LRCH1: variants seen among roughly 807,000 people sequenced by gnomAD.
LRCH1 encodes the protein leucine rich repeats and calponin homology domain containing 1, also known as leucine-rich repeat and calponin homology domain-containing protein 1.
In LRCH1, 23 loss-of-function variants were observed where a neutral mutation model predicts 94.9. The observed-to-expected ratio is 0.24, with a 90% CI of 0.17 to 0.34. The LOEUF is 0.34. LRCH1 is among the 10% of genes least tolerant of loss of function. The pLI is 1.00. For synonymous variants in LRCH1, 364 were observed against 354.9 expected, an observed-to-expected ratio of 1.03 and a Z score of -0.29; for missense variants, 790 against 945.9, an observed-to-expected ratio of 0.84 and a Z score of 2.16.
intron 1 of LRCH1, among the ~76,000 whole-genome samples, chr13:46,630,754 A>G (rs960526215): frequency 2.6e-5 from 4 of 152,220 alleles, no homozygotes; most frequent in African/African-American, 9.6e-5. Flanking sequence ...ATGCAGTTAA[A>G]CTGATATCCA....
Position 46,650,214 on chromosome 13 carries a change from C to T in LRCH1, c.321C>T (p.Asn107=), listed in dbSNP as rs774900445. ...CTTTTCTTATAGACTTATCTAAAAACAGACTGGTTGAAGTTCCAATGGAAT... is the reference window on the plus strand; with the variant it reads ...CTTTTCTTATAGACTTATCTAAAAATAGACTGGTTGAAGTTCCAATGGAAT... ...SDTVQADLSK[N]RLVEVPMELC... The change falls in exon 2 of 20, where the codon AAC becomes AAT. Residue 107 remains asparagine (N), a synonymous_variant. Coordinates refer to ENST00000389797, the MANE Select transcript of LRCH1 (RefSeq NM_001164211.2). 3 of 1,610,294 alleles carry T rather than the reference C, an allele frequency of 1.9e-6. No homozygotes were observed. In the African/African-American group the frequency reaches 4.0e-5, roughly 22 times the overall value.
At chr13:46,603,475 A>G (rs2050653831) in intron 1 of LRCH1, among the ~76,000 whole-genome samples, 1 of 152,138 alleles carries the variant, frequency 6.6e-6, no homozygotes. Context: ...GAGGATTCCT[A>G]TGTGTCACTA....
chr13:46,697,648 C>T (rs1001100244), intron 9 of LRCH1, among the ~76,000 whole-genome samples: 1 of 152,188 alleles, frequency 6.6e-6, no homozygotes, highest in Non-Finnish European at 1.5e-5. Context: ...CAGAGTGTCA[C>T]CTTGTTCCAC....
intron 1 of LRCH1, among the ~76,000 whole-genome samples, chr13:46,629,293 GTAGCCCATTTCTGTTTTTTATTTT>G (rs2050990322): frequency 7.7e-6 from 1 of 130,134 alleles, no homozygotes; most frequent in Admixed American, 8.0e-5. Flanking sequence ...CTCAGGGTTT[GTAGCCCATTTCTGTTTTTTATTTT>G]TAAATCTCAC....
At chr13:46,719,272 C>T (rs1334587558) in intron 16 of LRCH1, among the ~76,000 whole-genome samples, 3 of 152,202 alleles carry the variant, frequency 2.0e-5, no homozygotes, top group Non-Finnish European at 4.4e-5. Context: ...ACAGACTGAG[C>T]TTTAAGTGAG....
intron 1 of LRCH1, among the ~76,000 whole-genome samples, chr13:46,581,122 G>A (rs2050360016): frequency 6.6e-6 from 1 of 152,186 alleles, no homozygotes; most frequent in Admixed American, 6.5e-5. Context: ...GTACCAGAAA[G>A]CAGGTTCATG....
intron 1 of LRCH1, among the ~76,000 whole-genome samples, chr13:46,560,050 A>G (rs182632186): frequency 1.3e-5 from 2 of 150,722 alleles, no homozygotes; most frequent in Admixed American, 6.7e-5. Context: ...GTATATGTAC[A>G]TAGACTTTTT....
At chr13:46,648,203 T>C (rs1047605451) in intron 1 of LRCH1, among the ~76,000 whole-genome samples, 6 of 152,162 alleles carry the variant, frequency 3.9e-5, no homozygotes, top group Non-Finnish European at 7.4e-5. Context: ...GTCTCTTGCC[T>C]GCACAGTTCA....
chr13:46,682,699 G>T (rs1870391060), intron 4 of LRCH1, among the ~76,000 whole-genome samples: 1 of 152,144 alleles, frequency 6.6e-6, no homozygotes, highest in Admixed American at 6.5e-5. Flanking sequence ...TGTCTCACTG[G>T]TGGTCTTGGT....
chr13:46,683,059 C>G (rs903879509), intron 4 of LRCH1, among the ~76,000 whole-genome samples: 3 of 152,134 alleles, frequency 2.0e-5, no homozygotes, highest in Non-Finnish European at 4.4e-5. Flanking sequence ...TTTAAAGTCT[C>G]TAGACATAGC....
downstream of LRCH1, among the ~76,000 whole-genome samples, chr13:46,749,846 C>T (rs1874053711): frequency 6.6e-6 from 1 of 152,174 alleles, no homozygotes; most frequent in Non-Finnish European, 1.5e-5. Context: ...AGGTTCTGCA[C>T]ACAAGGAGGG....
chr13:46,651,394 T>C (rs2051296070), intron 2 of LRCH1, among the ~76,000 whole-genome samples: 1 of 152,206 alleles, frequency 6.6e-6, no homozygotes, highest in Non-Finnish European at 1.5e-5. Flanking sequence ...CCGGGTGTGG[T>C]GGCTCAGGCC....
intron 1 of LRCH1, among the ~76,000 whole-genome samples, chr13:46,574,993 A>G (rs951621580): frequency 2.6e-5 from 4 of 152,160 alleles, no homozygotes; most frequent in Admixed American, 6.5e-5. Flanking sequence ...CTATAAGCAC[A>G]TTCTGGAATA....
chr13:46,556,129 A>AT (rs1014483024), intron 1 of LRCH1, among the ~76,000 whole-genome samples: 19 of 151,816 alleles, frequency 1.3e-4, no homozygotes, highest in African/African-American at 3.9e-4. Context: ...GGCAAAGTGG[A>AT]TTTTTTTTTC....
intron 1 of LRCH1, among the ~76,000 whole-genome samples, chr13:46,586,900 G>A (rs781387603): frequency 1.3e-5 from 2 of 152,126 alleles, no homozygotes; most frequent in Admixed American, 6.5e-5. Flanking sequence ...GCACAGATGC[G>A]GTTCATTTCA....
chr13:46,663,827 C>G (rs1593335086), intron 2 of LRCH1, among the ~76,000 whole-genome samples: 1 of 152,178 alleles, frequency 6.6e-6, no homozygotes, highest in East Asian at 1.9e-4. Context: ...GAAACCTGCC[C>G]AGCTTTCTCT....
intron 1 of LRCH1, among the ~76,000 whole-genome samples, chr13:46,573,866 A>ATATATATATATATATGTATATATATATT: frequency 1.6e-5 from 1 of 63,420 alleles, no homozygotes; most frequent in Non-Finnish European, 3.2e-5. Context: ...ATATATATAT[A>ATATATATATATATATGTATATATATATT]TTTTTTTTTT....
chr13:46,638,501 G>C (rs1467626959), intron 1 of LRCH1, among the ~76,000 whole-genome samples: 1 of 152,162 alleles, frequency 6.6e-6, no homozygotes, highest in East Asian at 1.9e-4. Flanking sequence ...AATGATGCCT[G>C]CTGCCTTCAT....
chr13:46,730,128 C>A (rs1156884476), intron 18 of LRCH1, among the ~76,000 whole-genome samples: 1 of 152,184 alleles, frequency 6.6e-6, no homozygotes, highest in Non-Finnish European at 1.5e-5. Context: ...AAAAGTATCA[C>A]TGCTCACCCT....
Sources: gnomAD v4.1 joint callset for allele counts (sites outside exome capture counted in the v4.1 genomes callset) on GRCh38, gnomAD v4.1.1 for gene constraint, MANE v1.5 for transcripts, NCBI Gene and HGNC (gene_info 2026-07-23, HGNC 2026-07-21) for gene names.